Variants in MKRN1 observed in about 807,000 individuals in gnomAD.
MKRN1 encodes makorin ring finger protein 1, also known as E3 ubiquitin-protein ligase makorin-1.
In MKRN1, 9 loss-of-function variants were observed where a neutral mutation model predicts 55.5. The observed-to-expected ratio is 0.16, with a 90% CI of 0.10 to 0.28. The LOEUF (loss-of-function observed/expected upper bound fraction) is 0.28. Among genes scored for constraint, MKRN1 ranks in the 10% least tolerant of loss-of-function variants. MKRN1 has a pLI of 1.00. For synonymous variants in MKRN1, 253 were observed against 235.9 expected (o/e 1.07, Z -0.66); for missense variants, 488 against 626.7 (o/e 0.78, Z 2.36).
chr7:140,476,667 C>CAGTAACTGAGTATCCTGTTCATGATACTG (rs1795126855), intron 1 of MKRN1, among the ~76,000 whole-genome samples: 1 of 150,872 alleles, frequency 6.6e-6, no homozygotes, highest in African/African-American at 2.4e-5. Context: ...TCAGGATACT[C>CAGTAACTGAGTATCCTGTTCATGATACTG]AGTAACTGAG....
At chr7:140,471,798 C>T in intron 2 of MKRN1, 85 bp downstream of exon 2, 3 of 1,510,122 alleles carry the variant, frequency 2.0e-6, no homozygotes, top group Non-Finnish European at 2.7e-6. Flanking sequence ...TATTTTTAAT[C>T]AGTGACATAT....
intron 2 of MKRN1, among the ~76,000 whole-genome samples, chr7:140,464,620 G>A (rs1034656358): frequency 6.6e-5 from 10 of 151,766 alleles, no homozygotes; most frequent in Admixed American, 2.6e-4. Context: ...CAGAAGAATC[G>A]CTTGAACCTG....
In MKRN1 at chr7:140,454,455, C is replaced by A; in HGVS notation, c.*62G>T. 6.6e-7 allele frequency: 1 copy of A among 1,508,554 alleles called. No homozygotes were observed. The allele number at this position is 1,508,554 out of a possible 1,614,324, so 93.4% of individuals were successfully genotyped here. The stretch of plus-strand genomic sequence containing the variant: ...AGGAGAGAACACAGGCACTGCCACA[C>A]CACCACAGGGGACAGCTGCTGTCTG... On this transcript the variant is annotated 3_prime_UTR_variant, in exon 8 of 8. Coordinates refer to ENST00000255977, the MANE Select transcript of MKRN1 (RefSeq NM_013446.4).
chr7:140,458,949 G>C (rs950898780), intron 4 of MKRN1, 58 bp downstream of exon 4: 70 of 1,558,998 alleles, frequency 4.5e-5, no homozygotes, highest in Non-Finnish European at 5.5e-5. Flanking sequence ...ACAATGCTGT[G>C]AAAGGGCAAA....
intron 1 of MKRN1, 33 bp downstream of exon 1, chr7:140,479,127 C>G: frequency 7.7e-7 from 1 of 1,299,234 alleles, no homozygotes; most frequent in Non-Finnish European, 9.7e-7. Flanking sequence ...GGCCCCCTCC[C>G]CGCGCCCGGC....
intron 1 of MKRN1, chr7:140,475,341 AAAAC>A (rs139052285): frequency 0.18 from 63,719 of 360,940 alleles, 10,932 homozygotes; most frequent in African/African-American, 0.62. Context: ...TCCATCTCAG[AAAAC>A]AAACAAACAA....
chr7:140,466,396 G>T (rs1310145061), intron 2 of MKRN1, among the ~76,000 whole-genome samples: 1 of 152,184 alleles, frequency 6.6e-6, no homozygotes, highest in Non-Finnish European at 1.5e-5. Context: ...AGGCCCAGTA[G>T]GCTCACACCT....
At chr7:140,460,198 G>T (rs1242875020) in intron 2 of MKRN1, 1 of 352,274 alleles carries the variant, frequency 2.8e-6, no homozygotes. Context: ...GGTGAGCCGA[G>T]ATCATGCCAC....
Position 140,454,720 on chromosome 7 carries a change from T to G in MKRN1, c.1246A>C (p.Arg416=). The change falls in exon 8 of 8, where the codon AGG becomes CGG. Residue 416 remains arginine, a synonymous_variant. Coordinates refer to ENST00000255977, the MANE Select transcript of MKRN1 (RefSeq NM_013446.4). The part of the protein sequence containing the change: ...GTSSRYRAQR[R]NHFWELIEER... ...TCAATGAGTTCCCAGAAGTGGTTCC[T>G]TCGTTGGGCCTGTAAAAAACAAGGC... 6.2e-7 allele frequency: 1 copy of G among 1,613,958 alleles called. No homozygotes were observed. Among genetic ancestry groups the G allele is most frequent in the African/African-American group, 1.3e-5 (1 of 75,042 alleles).
Position 140,454,687 on chromosome 7 carries a change from C to G in MKRN1, c.1279G>C (p.Glu427Gln). 8 of 1,613,996 alleles carry G rather than the reference C, an allele frequency of 5.0e-6. No individual in the cohort carries two copies. Among genetic ancestry groups the G allele is most frequent in the Non-Finnish European group, 6.8e-6 (8 of 1,179,872 alleles). The part of the protein sequence containing the change: ...NHFWELIEER[E>Q]NSNPFDNDEE... The stretch of plus-strand genomic sequence containing the variant: ...TCGTTGTCAAAGGGGTTGCTGTTCT[C>G]TCTTTCCTCAATGAGTTCCCAGAAG... Residue 427 changes from glutamate to glutamine, a missense_variant, in exon 8 of 8, where the codon GAG becomes CAG. Glu to Gln is a conservative substitution (Grantham distance 29). Around this residue, in one of 2 missense-constraint regions of MKRN1, gnomAD observed 278 missense variants for 406.7 expected, o/e 0.68. Transcript: ENST00000255977.
chr7:140,460,023 G>A (rs778192528), intron 2 of MKRN1, 87 bp from the exon 3 acceptor site: 1 of 1,144,986 alleles, frequency 8.7e-7, no homozygotes, highest in Non-Finnish European at 1.3e-6. Flanking sequence ...GAGGTGGGTG[G>A]ATCACCAGAG....
At chr7:140,467,131 C>T (rs1413543427) in intron 2 of MKRN1, among the ~76,000 whole-genome samples, 1 of 151,994 alleles carries the variant, frequency 6.6e-6, no homozygotes, top group East Asian at 1.9e-4. Context: ...GCATGCGCCA[C>T]CATGCTTGGG....
chr7:140,466,810 C>CAAAAAA (rs563645827), intron 2 of MKRN1, among the ~76,000 whole-genome samples: 1 of 87,186 alleles, frequency 1.1e-5, no homozygotes, highest in African/African-American at 5.1e-5. Flanking sequence ...GACTCCGTCT[C>CAAAAAA]AAAAAAAAAA....
rs369870679 is a variant in MKRN1 at position 140,459,956 on chromosome 7, T to C, written c.315-20A>G. ...TCATATCTAAGAAAAAATTCAAAAG[T>C]AAGCAGTCGGCCAGTCGTGGTGGCT... On this transcript the variant is annotated intron_variant, in intron 2 of 7. Transcript: ENST00000255977. 110 of 1,602,068 alleles carry C rather than the reference T, an allele frequency of 6.9e-5. No individual in the cohort carries two copies. Among genetic ancestry groups the C allele is most frequent in the East Asian group, 8.9e-5 (4 of 44,756 alleles).
rs1314244587 is a variant in MKRN1, at chr7:140,453,342, T to C, written c.*1175A>G. 2.6e-5 allele frequency: 4 copies of C among 152,574 alleles called. No homozygotes were observed. The highest frequency in any genetic ancestry group is 2.1e-4 in the South Asian group (1 of 4,826). 9.5% of individuals were successfully genotyped at this position (152,574 alleles called of 1,614,324 possible). ...CCTTTCGGTGGAAAAGTATGACTTA[T>C]CACTGCAAACCCATTACTCCACTAC... On this transcript the variant is annotated 3_prime_UTR_variant, in exon 8 of 8. Coordinates refer to ENST00000255977, the MANE Select transcript of MKRN1 (RefSeq NM_013446.4).
chr7:140,463,601 C>T (rs1284332321), intron 2 of MKRN1, among the ~76,000 whole-genome samples: 3 of 152,106 alleles, frequency 2.0e-5, no homozygotes, highest in Non-Finnish European at 4.4e-5. Context: ...GAAATCCAGC[C>T]CAGGCTGGAC....
intron 2 of MKRN1, among the ~76,000 whole-genome samples, chr7:140,468,025 A>G (rs899636206): frequency 6.0e-5 from 9 of 150,702 alleles, no homozygotes; most frequent in Non-Finnish European, 1.0e-4. Context: ...AAAAAAATGC[A>G]GAGGCTTAGC....
chr7:140,476,796 T>C (rs17621391), intron 1 of MKRN1, among the ~76,000 whole-genome samples: 29,133 of 151,864 alleles, frequency 0.19, 3,556 homozygotes, highest in Non-Finnish European at 0.28. Context: ...ATAAGGATCA[T>C]AGACCGGGTG....
At chr7:140,472,970 A>G (rs968221862) in intron 1 of MKRN1, among the ~76,000 whole-genome samples, 5 of 151,508 alleles carry the variant, frequency 3.3e-5, no homozygotes, top group African/African-American at 4.8e-5. Flanking sequence ...ACAAAAAATT[A>G]GCCGGGCATG....
Sources: gnomAD v4.1 joint callset for allele counts (sites outside exome capture counted in the v4.1 genomes callset) on GRCh38, gnomAD v4.1.1 for gene constraint, gnomAD v4.1.1 regional missense constraint, MANE v1.5 for transcripts, NCBI Gene and HGNC (gene_info 2026-07-23, HGNC 2026-07-21) for gene names.